The following COG5 variants were observed in gnomAD, a reference collection of about 807,000 sequenced individuals.
COG5 encodes component of oligomeric golgi complex 5.
COG5 carries 86 observed loss-of-function variants against 110.4 expected under a neutral mutation model. The ratio of observed to expected loss-of-function variants is 0.78; its 90% confidence interval spans 0.65 to 0.93. COG5 has a LOEUF of 0.93. COG5 is among the 40% of genes least tolerant of loss of function. COG5 has a pLI of 0.00. For synonymous variants in COG5, 360 were observed against 334.6 expected (o/e 1.08, Z -0.83); for missense variants, 1,077 against 987.0 (o/e 1.09, Z -1.22).
At chr7:107,495,817 A>C (rs539960327) in intron 6 of COG5, among the ~76,000 whole-genome samples, 6 of 152,298 alleles carry the variant, frequency 3.9e-5, no homozygotes, top group Admixed American at 3.3e-4. Flanking sequence ...TAGAAGACAC[A>C]AAAGTATTTG....
At chr7:107,299,664 TA>T (rs1261411696) in intron 11 of COG5, among the ~76,000 whole-genome samples, 1 of 151,468 alleles carries the variant, frequency 6.6e-6, no homozygotes, top group Non-Finnish European at 1.5e-5. Context: ...TGCCCTGATA[TA>T]AAAACCAGAT....
At chr7:107,436,861 G>A (rs188618155) in intron 6 of COG5, among the ~76,000 whole-genome samples, 126 of 152,258 alleles carry the variant, frequency 8.3e-4, no homozygotes, top group African/African-American at 2.6e-3. Context: ...AAAAAGTGTA[G>A]TATTTAATAA....
chr7:107,399,244 T>C (rs1584773798), intron 7 of COG5, among the ~76,000 whole-genome samples: 1 of 151,950 alleles, frequency 6.6e-6, no homozygotes, highest in Non-Finnish European at 1.5e-5. Context: ...CTAAAACTCA[T>C]CAAACTATAC....
chr7:107,545,137 C>T (rs751368062), intron 5 of COG5, among the ~76,000 whole-genome samples: 7 of 152,112 alleles, frequency 4.6e-5, no homozygotes, highest in Non-Finnish European at 8.8e-5. Context: ...TTGAGAATTA[C>T]GGGATGCCAT....
intron 12 of COG5, among the ~76,000 whole-genome samples, chr7:107,285,715 G>A (rs1805572502): frequency 6.6e-6 from 1 of 151,618 alleles, no homozygotes; most frequent in Admixed American, 6.6e-5. Flanking sequence ...AAAATTCCCG[G>A]CCGGACCTGG....
chr7:107,317,747 G>A (rs569116955), intron 11 of COG5, among the ~76,000 whole-genome samples: 1 of 152,150 alleles, frequency 6.6e-6, no homozygotes, highest in East Asian at 1.9e-4. Flanking sequence ...AAAATTATTA[G>A]ACATGCAAAT....
At chr7:107,548,007 TG>T (rs1368383331) in intron 5 of COG5, 103 bp downstream of exon 5, 11 of 932,408 alleles carry the variant, frequency 1.2e-5, no homozygotes, top group Non-Finnish European at 1.9e-5. Flanking sequence ...TCTTACCTTC[TG>T]TTCCCATTCT....
chr7:107,547,202 G>A (rs1584954433), intron 5 of COG5, among the ~76,000 whole-genome samples: 1 of 152,208 alleles, frequency 6.6e-6, no homozygotes, highest in Non-Finnish European at 1.5e-5. Flanking sequence ...TATCTCTGGG[G>A]TGCAGGGATA....
chr7:107,245,544 A>G (rs1801989467), intron 17 of COG5, among the ~76,000 whole-genome samples: 1 of 152,214 alleles, frequency 6.6e-6, no homozygotes, highest in East Asian at 1.9e-4. Context: ...ATGCACAAAA[A>G]TCACTAGCAT....
At chr7:107,320,096 CAA>C (rs1809126692) in intron 11 of COG5, among the ~76,000 whole-genome samples, 1 of 151,926 alleles carries the variant, frequency 6.6e-6, no homozygotes, top group African/African-American at 2.4e-5. Context: ...TAGGGCTAGA[CAA>C]ATGAGAGATA....
intron 7 of COG5, among the ~76,000 whole-genome samples, chr7:107,382,856 C>T (rs1815247211): frequency 6.6e-6 from 1 of 152,142 alleles, no homozygotes; most frequent in African/African-American, 2.4e-5. Context: ...ATTCTAAATT[C>T]ACTAGTTGTT....
chr7:107,309,961 A>T (rs958681321), intron 11 of COG5, among the ~76,000 whole-genome samples: 7 of 152,194 alleles, frequency 4.6e-5, no homozygotes, highest in Non-Finnish European at 1.0e-4. Flanking sequence ...TCAGTTTTTT[A>T]AAAATATAAG....
At position 107,201,464 on chromosome 7, in the gene COG5, G is replaced by C. The variant is rs760018179; in HGVS notation, c.*2052C>G. 7.1e-7 allele frequency: 1 copy of C among 1,413,268 alleles called. No homozygotes were observed. Among genetic ancestry groups the C allele is most frequent in the Non-Finnish European group, 1.0e-6 (1 of 1,000,990 alleles). 87.5% of individuals were successfully genotyped at this position (1,413,268 alleles called of 1,614,324 possible). Reference sequence around the variant, plus strand: ...TGCTTATGTTCTTAAGTCTATATTTGCATATACATTGACTCTTGATGGAAA... The same window carrying C: ...TGCTTATGTTCTTAAGTCTATATTTCCATATACATTGACTCTTGATGGAAA... On this transcript the variant is annotated 3_prime_UTR_variant, in exon 22 of 22. Transcript: ENST00000297135.
intron 6 of COG5, among the ~76,000 whole-genome samples, chr7:107,466,490 A>G (rs1454664146): frequency 6.6e-6 from 1 of 152,220 alleles, no homozygotes; most frequent in Non-Finnish European, 1.5e-5. Context: ...TGGATTTTCT[A>G]TCTGTTAAGT....
At chr7:107,305,610 G>T (rs1236704298) in intron 11 of COG5, among the ~76,000 whole-genome samples, 1 of 152,014 alleles carries the variant, frequency 6.6e-6, no homozygotes, top group Non-Finnish European at 1.5e-5. Flanking sequence ...CTCTCACAAG[G>T]CTGTCATCAA....
At position 107,280,460 on chromosome 7, in the gene COG5, T is replaced by C. The variant is rs147688655; in HGVS notation, c.1575+840A>G. 2.0e-3 allele frequency among the ~76,000 whole-genome samples: 305 copies of C among 152,128 alleles called. 2 individuals carry two copies. Among genetic ancestry groups the C allele is most frequent in the African/African-American group, 6.9e-3 (287 of 41,532 alleles). Reference sequence around the variant, plus strand: ...AGAACAAACTGAAACAACTTGGATATAGATAAAAGTAGATTATTTTGTTTA... The same window carrying C: ...AGAACAAACTGAAACAACTTGGATACAGATAAAAGTAGATTATTTTGTTTA... On this transcript the variant is annotated intron_variant, in intron 14 of 21. Transcript: ENST00000297135.
intron 14 of COG5, among the ~76,000 whole-genome samples, chr7:107,262,814 C>T (rs1177147652): frequency 1.3e-5 from 2 of 152,104 alleles, no homozygotes; most frequent in Non-Finnish European, 2.9e-5. Context: ...GTCTGCCGTC[C>T]CTACTGCTTG....
At chr7:107,560,350 A>C (rs1387651407) in intron 1 of COG5, among the ~76,000 whole-genome samples, 1 of 152,242 alleles carries the variant, frequency 6.6e-6, no homozygotes, top group Non-Finnish European at 1.5e-5. Flanking sequence ...TAAGACCTGA[A>C]TAAGTGGCAC....
Position 107,412,482 on chromosome 7 carries a change from AAC to A in COG5, c.669+18_669+19del, listed in dbSNP as rs10579767. On this transcript the variant is annotated intron_variant, in intron 7 of 21. Coordinates refer to ENST00000297135, the MANE Select transcript of COG5 (RefSeq NM_006348.5). ...TTATGACACATTTTTTACATTAAAAAACAGTCTTATTTTTATTACCTGAGTCT... is the reference window on the plus strand; with the variant it reads ...TTATGACACATTTTTTACATTAAAAAAGTCTTATTTTTATTACCTGAGTCT... The A allele has an allele frequency of 0.22, 356,338 of 1,608,248 alleles. 41,332 individuals are homozygous for A. Among genetic ancestry groups the A allele is most frequent in the East Asian group, 0.31 (13,750 of 44,668 alleles).
Sources: allele counts gnomAD v4.1 joint callset (sites outside exome capture counted in the v4.1 genomes callset), GRCh38; gene constraint gnomAD v4.1.1; transcripts MANE v1.5; gene names NCBI Gene and HGNC (gene_info 2026-07-23, HGNC 2026-07-21).